TMEM156: variants seen among roughly 807,000 people sequenced by gnomAD.
TMEM156 encodes transmembrane protein 156.
A neutral mutation model predicts 30.5 loss-of-function variants in TMEM156; 28 were observed. The observed-to-expected ratio is 0.92, with a 90% confidence interval of 0.68 to 1.26. The LOEUF is 1.26. Ranked by LOEUF, TMEM156 falls within the 50% of genes most tolerant of loss-of-function variation. TMEM156 has a pLI of 0.00. For missense variants in TMEM156, 351 were observed against 340.6 expected, an observed-to-expected ratio of 1.03 and a Z score of -0.24; for synonymous variants, 137 against 119.9, an observed-to-expected ratio of 1.14 and a Z score of -0.93.
chr4:38,990,840 T>G (rs1370319927), intron 3 of TMEM156, among the ~76,000 whole-genome samples: 4 of 131,756 alleles, frequency 3.0e-5, no homozygotes, highest in Admixed American at 1.5e-4. Context: ...GTTTTTTTTT[T>G]TTTTTTTTTT....
intron 4 of TMEM156, 71 bp downstream of exon 4, chr4:38,988,780 T>C (rs1246630418): frequency 3.1e-6 from 5 of 1,588,092 alleles, no homozygotes; most frequent in Non-Finnish European, 2.6e-6. Context: ...AAATGCTAAA[T>C]TGTACTAAAA....
chr4:38,990,604 G>A (rs1712349311), intron 3 of TMEM156, among the ~76,000 whole-genome samples: 1 of 152,098 alleles, frequency 6.6e-6, no homozygotes, highest in Non-Finnish European at 1.5e-5. Context: ...GTATCTCCTA[G>A]GGTCCTGTGC....
chr4:38,996,298 C>T (rs1712928221), intron 2 of TMEM156, among the ~76,000 whole-genome samples: 1 of 150,906 alleles, frequency 6.6e-6, no homozygotes, highest in Admixed American at 6.6e-5. Context: ...GTGGCTCACA[C>T]CTGTAATCCC....
At chr4:38,990,832 T>TTTTG (rs1553878606) in intron 3 of TMEM156, among the ~76,000 whole-genome samples, 1 of 66,394 alleles carries the variant, frequency 1.5e-5, no homozygotes, top group Non-Finnish European at 3.5e-5. Context: ...GTTTTCTGGT[T>TTTTG]TTTTTTTTTT....
chr4:39,014,245 T>C (rs1714331542), intron 1 of TMEM156, among the ~76,000 whole-genome samples: 1 of 152,184 alleles, frequency 6.6e-6, no homozygotes, highest in East Asian at 1.9e-4. Flanking sequence ...AACAGCACTG[T>C]CAAAGTCCAT....
At chr4:38,977,001 G>A (rs1253044815) in intron 5 of TMEM156, among the ~76,000 whole-genome samples, 1 of 152,186 alleles carries the variant, frequency 6.6e-6, no homozygotes, top group Admixed American at 6.5e-5. Context: ...CACCTCCCAA[G>A]TTCAAGCAAT....
chr4:39,027,842 C>T (rs1474932496), intron 1 of TMEM156, among the ~76,000 whole-genome samples: 4 of 149,406 alleles, frequency 2.7e-5, no homozygotes, highest in Non-Finnish European at 4.4e-5. Flanking sequence ...CTGCAACCTC[C>T]GCCTCCTGGA....
intron 1 of TMEM156, among the ~76,000 whole-genome samples, chr4:39,030,231 T>C (rs948661528): frequency 6.6e-6 from 1 of 151,334 alleles, no homozygotes; most frequent in Non-Finnish European, 1.5e-5. Context: ...GCATTATCTA[T>C]GCTGTTCTTG....
At position 38,966,804 on chromosome 4, in the gene TMEM156, T is replaced by TTTA. The variant is rs1209858602; in HGVS notation, c.*875_*876insTAA. ...TTCGTTTTATTGGTATCTTTGATTT[T>TTTA]TTTTTTTTTTTTTTTTTGAGACAGA... On this transcript the variant is annotated 3_prime_UTR_variant, in exon 7 of 7. Coordinates refer to ENST00000381938, the MANE Select transcript of TMEM156 (RefSeq NM_024943.3). 16 of 143,750 alleles carry TTTA rather than the reference T, an allele frequency of 1.1e-4. No homozygotes were observed. Among genetic ancestry groups the TTTA allele is most frequent in the African/African-American group, 4.4e-4 (16 of 36,038 alleles). The allele number at this position is 143,750 out of a possible 1,614,324, so 8.9% of individuals were successfully genotyped here.
intron 1 of TMEM156, among the ~76,000 whole-genome samples, chr4:39,005,419 C>T (rs894920482): frequency 3.3e-5 from 5 of 152,184 alleles, no homozygotes; most frequent in Admixed American, 3.3e-4. Context: ...CTGTCTCCTG[C>T]TGCCTTGTGA....
chr4:39,017,205 C>A (rs548315534), intron 1 of TMEM156, among the ~76,000 whole-genome samples: 3 of 111,586 alleles, frequency 2.7e-5, no homozygotes, highest in African/African-American at 1.1e-4. Flanking sequence ...GACAGAGTCT[C>A]GCTCTGTCTC....
At chr4:39,011,067 G>GA (rs780736457) in intron 1 of TMEM156, among the ~76,000 whole-genome samples, 45 of 151,966 alleles carry the variant, frequency 3.0e-4, no homozygotes, top group Non-Finnish European at 5.4e-4. Flanking sequence ...AAACCAACAA[G>GA]AAAAAAACCA....
At chr4:39,024,884 G>C (rs979233432) in intron 1 of TMEM156, among the ~76,000 whole-genome samples, 10 of 152,134 alleles carry the variant, frequency 6.6e-5, no homozygotes, top group Non-Finnish European at 1.3e-4. Context: ...TAAAAACATA[G>C]TCGATTATTT....
intron 1 of TMEM156, among the ~76,000 whole-genome samples, chr4:39,009,600 A>G (rs948010104): frequency 1.3e-5 from 2 of 152,210 alleles, no homozygotes; most frequent in African/African-American, 4.8e-5. Flanking sequence ...AACATATGCA[A>G]CTCAATACAT....
chr4:38,971,161 T>C, intron 5 of TMEM156, 24 bp from the exon 6 acceptor site: 1 of 1,610,160 alleles, frequency 6.2e-7, no homozygotes, highest in Non-Finnish European at 8.5e-7. Flanking sequence ...AGAACTGTTT[T>C]AGTCTATATG....
chr4:39,006,521 C>T (rs1292061234), intron 1 of TMEM156, among the ~76,000 whole-genome samples: 1 of 152,016 alleles, frequency 6.6e-6, no homozygotes, highest in Non-Finnish European at 1.5e-5. Context: ...CTAATTTGAG[C>T]TTTGTGTCTG....
chr4:39,006,056 T>C lies in TMEM156; in HGVS notation c.89-7147A>G, dbSNP rs530145459. ...GATTACAGGCATCTGCCGCCATGCC[T>C]GGCTAATTTTTGTATTTTTAATAGA... On this transcript the variant is annotated intron_variant, in intron 1 of 6. Coordinates refer to ENST00000381938, the MANE Select transcript of TMEM156 (RefSeq NM_024943.3). Among the ~76,000 whole-genome samples, 8 of 152,224 alleles carry C rather than the reference T, an allele frequency of 5.3e-5. No individual in the cohort carries two copies. The East Asian group carries it at 1.4e-3, about 26-fold the overall frequency.
chr4:38,970,782 T>C (rs1306796405), intron 6 of TMEM156, among the ~76,000 whole-genome samples: 1 of 152,216 alleles, frequency 6.6e-6, no homozygotes, highest in East Asian at 1.9e-4. Flanking sequence ...GGATAAGCTA[T>C]CATCTCAGGA....
intron 1 of TMEM156, among the ~76,000 whole-genome samples, chr4:39,025,435 G>A (rs1715144744): frequency 6.6e-6 from 1 of 151,684 alleles, no homozygotes; most frequent in Non-Finnish European, 1.5e-5. Context: ...TCAATTTGGA[G>A]GCCAATCATT....
Sources: allele counts gnomAD v4.1 joint callset (sites outside exome capture counted in the v4.1 genomes callset), GRCh38; gene constraint gnomAD v4.1.1; transcripts MANE v1.5; gene names NCBI Gene and HGNC (gene_info 2026-07-23, HGNC 2026-07-21).